Variants in XXYLT1 observed in about 807,000 individuals in gnomAD.
The protein encoded by XXYLT1 is UDP-xylose:alpha-xyloside alpha-1,3-xylosyltransferase.
In XXYLT1, 20 loss-of-function variants were observed where a neutral mutation model predicts 28.9. The ratio of observed to expected loss-of-function variants is 0.69; its 90% CI spans 0.49 to 1.00. The LOEUF is 1.00. Among genes scored for constraint, XXYLT1 ranks in the 50% least tolerant of loss-of-function variants. The pLI is 0.00. For missense variants in XXYLT1, 542 were observed against 560.1 expected (o/e 0.97, Z 0.33); for synonymous variants, 257 against 253.8 (o/e 1.01, Z -0.12).
In XXYLT1 at chr3:195,173,818, C is replaced by T. The variant is rs142203238; in HGVS notation, c.653-17237G>A. Among the ~76,000 whole-genome samples, 1,100 of 152,354 alleles carry T rather than the reference C, an allele frequency of 7.2e-3. 8 individuals carry two copies. Among genetic ancestry groups the T allele is most frequent in the Non-Finnish European group, 0.013 (867 of 68,022 alleles). ...AGCACCCAGCTCCCACCAGGGAGTC[C>T]CTCCTATGGGCCATGAGTGGCAATG... On this transcript the variant is annotated intron_variant, in intron 2 of 3. Transcript: ENST00000310380. This position sits in a 1 kb window ranked among gnomAD's most constrained non-coding sequence, Gnocchi z 4.3.
At position 195,088,557 on chromosome 3, in the gene XXYLT1, A is replaced by G. The variant is rs1171712641; in HGVS notation, c.786-18446T>C. Among the ~76,000 whole-genome samples the G allele has an allele frequency of 3.8e-4, 46 of 122,500 alleles. 2 individuals are homozygous for G. The highest frequency in any genetic ancestry group is 1.9e-3 in the Admixed American group (21 of 11,180). The allele number at this position is 122,500 out of a possible 152,430, so 80.4% of individuals were successfully genotyped here. On this transcript the variant is annotated intron_variant, in intron 3 of 3. Coordinates refer to ENST00000310380, the MANE Select transcript of XXYLT1 (RefSeq NM_152531.5). ...CCATCATCAAAGACCAAAAGTAGAT[A>G]AAACCACAAAGATGGGGAAAAAACA...
At chr3:195,259,932 C>T (rs2108852524) in intron 1 of XXYLT1, 1 of 152,556 alleles carries the variant, frequency 6.6e-6, no homozygotes, top group Admixed American at 6.5e-5. Context: ...CCCACGCAGC[C>T]TCCCTCCGAC....
intron 2 of XXYLT1, among the ~76,000 whole-genome samples, chr3:195,160,798 C>T (rs574353942): frequency 1.1e-4 from 17 of 152,308 alleles, no homozygotes; most frequent in African/African-American, 2.4e-4. Flanking sequence ...GTAGAGGGTC[C>T]GCCCCGCGAC....
At chr3:195,108,835 A>G (rs749560292) in intron 3 of XXYLT1, among the ~76,000 whole-genome samples, 1 of 152,148 alleles carries the variant, frequency 6.6e-6, no homozygotes, top group Non-Finnish European at 1.5e-5. Flanking sequence ...CTATAACTCA[A>G]TTTCACTCTC....
chr3:195,270,188 A>C (rs1279401911), intron 1 of XXYLT1: 1 of 510,146 alleles, frequency 2.0e-6, no homozygotes, highest in Non-Finnish European at 3.8e-6. Context: ...GACCAGTCCC[A>C]TCCTCAGAAG....
intron 2 of XXYLT1, among the ~76,000 whole-genome samples, chr3:195,185,076 A>AAAGAAGG (rs1382038474): frequency 7.9e-6 from 1 of 126,856 alleles, no homozygotes; most frequent in Non-Finnish European, 1.6e-5. Flanking sequence ...AAAAGGAAGG[A>AAAGAAGG]AAGAAGGAAG....
chr3:195,264,084 C>T (rs1337666342), intron 1 of XXYLT1, among the ~76,000 whole-genome samples: 3 of 152,158 alleles, frequency 2.0e-5, no homozygotes, highest in East Asian at 1.9e-4. Context: ...CAGAACCTGC[C>T]CATCCCTGCA....
chr3:195,231,750 T>C (rs1301828826), intron 1 of XXYLT1, among the ~76,000 whole-genome samples: 1 of 148,128 alleles, frequency 6.8e-6, no homozygotes, highest in African/African-American at 2.6e-5. Context: ...TCATGATGAA[T>C]GATTTTTTTT....
At chr3:195,092,431 G>T (rs534320424) in intron 3 of XXYLT1, among the ~76,000 whole-genome samples, 1 of 147,660 alleles carries the variant, frequency 6.8e-6, no homozygotes, top group Non-Finnish European at 1.5e-5. Flanking sequence ...AATGGGGAAC[G>T]GATTCCCTAT....
intron 2 of XXYLT1, among the ~76,000 whole-genome samples, chr3:195,205,799 G>T (rs967675958): frequency 1.3e-5 from 2 of 152,134 alleles, no homozygotes; most frequent in East Asian, 1.9e-4. Context: ...GGAGGTGAAG[G>T]TTGCAGTCAG....
chr3:195,155,109 A>G (rs1720493906), intron 3 of XXYLT1, among the ~76,000 whole-genome samples: 1 of 152,186 alleles, frequency 6.6e-6, no homozygotes, highest in South Asian at 2.1e-4. Flanking sequence ...TATAAGGGAG[A>G]AAAGTCCACA....
At chr3:195,088,169 G>GGGTGGAGCCCACCACAGCTCA (rs1715876552) in intron 3 of XXYLT1, among the ~76,000 whole-genome samples, 1 of 151,614 alleles carries the variant, frequency 6.6e-6, no homozygotes, top group Non-Finnish European at 1.5e-5. Context: ...AGCTCGAACT[G>GGGTGGAGCCCACCACAGCTCA]GGTGGAGCCC....
intron 1 of XXYLT1, among the ~76,000 whole-genome samples, chr3:195,250,262 C>A (rs1161148355): frequency 6.6e-6 from 1 of 152,168 alleles, no homozygotes; most frequent in Non-Finnish European, 1.5e-5. Flanking sequence ...CCCTGCCCAT[C>A]CAATTAAAAA....
intron 3 of XXYLT1, among the ~76,000 whole-genome samples, chr3:195,134,276 C>G (rs886657095): frequency 1.3e-5 from 2 of 152,184 alleles, no homozygotes; most frequent in African/African-American, 4.8e-5. Flanking sequence ...AAAAAGCTTA[C>G]AGCAGTGCAA....
chr3:195,208,372 G>A (rs1723163737), intron 2 of XXYLT1, among the ~76,000 whole-genome samples: 1 of 152,032 alleles, frequency 6.6e-6, no homozygotes, highest in East Asian at 1.9e-4. Flanking sequence ...TCTGAGAGTG[G>A]CAGTCAGCCC....
At chr3:195,207,141 G>T (rs1723107341) in intron 2 of XXYLT1, among the ~76,000 whole-genome samples, 1 of 152,224 alleles carries the variant, frequency 6.6e-6, no homozygotes, top group African/African-American at 2.4e-5. Context: ...GCTGCCCCGG[G>T]CAGACTGTGG....
intron 3 of XXYLT1, among the ~76,000 whole-genome samples, chr3:195,151,604 T>C (rs909788275): frequency 4.6e-5 from 7 of 151,826 alleles, no homozygotes; most frequent in African/African-American, 1.7e-4. Context: ...GTATAAATAA[T>C]TGTTTAGATA....
chr3:195,125,953 G>A (rs562689629), intron 3 of XXYLT1, among the ~76,000 whole-genome samples: 2 of 150,970 alleles, frequency 1.3e-5, no homozygotes, highest in South Asian at 4.3e-4. Flanking sequence ...ACAGGTTCAC[G>A]ATACCCCGAG....
At chr3:195,141,463 T>C (rs1021328397) in intron 3 of XXYLT1, among the ~76,000 whole-genome samples, 3 of 152,226 alleles carry the variant, frequency 2.0e-5, no homozygotes, top group Non-Finnish European at 4.4e-5. Flanking sequence ...TCAAATCTTA[T>C]AAGACCCCGT....
Sources: allele counts gnomAD v4.1 joint callset (sites outside exome capture counted in the v4.1 genomes callset), GRCh38; gene constraint gnomAD v4.1.1; non-coding constraint Gnocchi (gnomAD v3.1); transcripts MANE v1.5; gene names NCBI Gene and HGNC (gene_info 2026-07-23, HGNC 2026-07-21).